Variants in RASGRF1 observed in about 807,000 individuals in gnomAD.
RASGRF1 encodes ras-specific guanine nucleotide-releasing factor 1.
In RASGRF1, 40 loss-of-function variants were observed where a neutral mutation model predicts 138.7. The observed-to-expected ratio is 0.29, with a 90% CI of 0.22 to 0.38. The LOEUF (loss-of-function observed/expected upper bound fraction) is 0.38. Among genes scored for constraint, RASGRF1 ranks in the 10% least tolerant of loss-of-function variants. The pLI is 1.00. For synonymous variants in RASGRF1, 614 were observed against 663.2 expected (o/e 0.93, Z 1.14); for missense variants, 1,108 against 1,650.4 (o/e 0.67, Z 5.69).
At chr15:79,064,938 T>A (rs145337154) in intron 1 of RASGRF1, among the ~76,000 whole-genome samples, 13 of 152,254 alleles carry the variant, frequency 8.5e-5, no homozygotes, top group African/African-American at 3.1e-4. Flanking sequence ...CCCTTCTAGG[T>A]CCTGGGGTTA....
intron 20 of RASGRF1, among the ~76,000 whole-genome samples, chr15:78,992,294 T>C (rs1468310456): frequency 6.6e-6 from 1 of 152,232 alleles, no homozygotes; most frequent in Non-Finnish European, 1.5e-5. Flanking sequence ...GGCCCTGTGC[T>C]CAGAAGACAG....
In RASGRF1 at chr15:79,032,585, C is replaced by G. The variant is rs2057157560; in HGVS notation, c.959-269G>C. Among the ~76,000 whole-genome samples, 1 of 152,162 alleles carries G rather than the reference C, an allele frequency of 6.6e-6. No homozygotes were observed. The highest frequency in any genetic ancestry group is 2.1e-4 in the South Asian group (1 of 4,834). ...TAGTCGACACTTGTGATGGGAGTGT[C>G]AGAGAGAGGAGGTAGAGTGGGCGCT... On this transcript the variant is annotated intron_variant, in intron 6 of 26. Transcript: ENST00000558480. This position sits in a 1 kb window ranked among gnomAD's most constrained non-coding sequence, Gnocchi z 4.5.
Position 79,032,036 on chromosome 15 carries a change from C to A in RASGRF1, c.1152+87G>T. The A allele has an allele frequency of 6.9e-7, 1 of 1,439,870 alleles. No individual in the cohort carries two copies. The highest frequency in any genetic ancestry group is 9.4e-7 in the Non-Finnish European group (1 of 1,067,572). The allele number at this position is 1,439,870 out of a possible 1,614,324, so 89.2% of individuals were successfully genotyped here. A position where few individuals can be genotyped will look rare whatever the true frequency, so the allele number is the denominator to read the frequency against. ...CCTTTGGCAGCCCAGAGCTGGGGTG[C>A]GTTAAGCACTGTGCCCCCACCGCCA... is the stretch of plus-strand genomic sequence containing the variant. On this transcript the variant is annotated intron_variant, in intron 7 of 26. Coordinates refer to ENST00000558480, the MANE Select transcript of RASGRF1 (RefSeq NM_001145648.3). This position sits in a 1 kb window ranked among gnomAD's most constrained non-coding sequence, Gnocchi z 4.5.
chr15:79,012,751 C>T lies in RASGRF1; in HGVS notation c.1826+2576G>A, dbSNP rs149218705. ...AGGCTGGAGTGCAGTGGTGAGGTCTCGGCTCACTGCAACCTCTGCCTCCTA... is the reference window on the plus strand; with the variant it reads ...AGGCTGGAGTGCAGTGGTGAGGTCTTGGCTCACTGCAACCTCTGCCTCCTA... On this transcript the variant is annotated intron_variant, in intron 13 of 26. Transcript: ENST00000558480. Among the ~76,000 whole-genome samples, 271 of 152,192 alleles carry T rather than the reference C, an allele frequency of 1.8e-3. 1 individual carries two copies. Among genetic ancestry groups the T allele is most frequent in the South Asian group, 0.012 (57 of 4,814 alleles).
intron 19 of RASGRF1, among the ~76,000 whole-genome samples, chr15:78,996,838 G>T (rs1472022296): frequency 6.6e-6 from 1 of 152,220 alleles, no homozygotes; most frequent in Non-Finnish European, 1.5e-5. Flanking sequence ...AGGGAAGAAT[G>T]GGCCCCAGCA....
Position 78,999,756 on chromosome 15 carries a change from G to A in RASGRF1, c.2733C>T (p.Ser911=). The A allele has an allele frequency of 6.2e-7, 1 of 1,613,848 alleles. No homozygotes were observed. Reference sequence around the variant, plus strand: ...CACCCCACATACCTGCACTGGCTAAGGACATCCTCCGGTACTTCTCCTTGT... The same window carrying A: ...CACCCCACATACCTGCACTGGCTAAAGACATCCTCCGGTACTTCTCCTTGT... ...TPNKEKYRRM[S]LASAGFPPDQ... is the part of the protein sequence containing the mutation. Residue 911 remains serine (S), a synonymous_variant, in exon 17 of 27, where the codon TCC becomes TCT. Coordinates refer to ENST00000558480, the MANE Select transcript of RASGRF1 (RefSeq NM_001145648.3).
intron 24 of RASGRF1, among the ~76,000 whole-genome samples, chr15:78,974,698 A>G (rs2055839100): frequency 6.6e-6 from 1 of 152,206 alleles, no homozygotes; most frequent in Middle Eastern, 3.2e-3. Context: ...GATACTTGCC[A>G]TTCTCCTCCT....
intron 1 of RASGRF1, among the ~76,000 whole-genome samples, chr15:79,079,963 C>T (rs1334564473): frequency 6.6e-6 from 1 of 152,236 alleles, no homozygotes; most frequent in Non-Finnish European, 1.5e-5. Context: ...CATGCTCAGC[C>T]TCCCCTAAGA....
chr15:78,995,930 C>T (rs918737232), intron 19 of RASGRF1, 130 bp from the exon 20 acceptor site: 6 of 824,846 alleles, frequency 7.3e-6, no homozygotes, highest in Non-Finnish European at 1.2e-5. Flanking sequence ...CCAGGAGCAC[C>T]CTTTCCCCTT....
At chr15:78,990,131 C>T in intron 22 of RASGRF1, 58 bp downstream of exon 22, 1 of 1,362,360 alleles carries the variant, frequency 7.3e-7, no homozygotes, top group Non-Finnish European at 1.1e-6. Flanking sequence ...TACCCAGCCT[C>T]TTGAGCGTCT....
At chr15:78,991,658 C>T (rs772798129) in intron 21 of RASGRF1, 33 bp downstream of exon 21, 8 of 1,550,546 alleles carry the variant, frequency 5.2e-6, no homozygotes, top group South Asian at 2.2e-5. Context: ...CCTGAGGAAG[C>T]GGGGGGAGGC....
At chr15:79,075,905 T>TATAG (rs1348899170) in intron 1 of RASGRF1, among the ~76,000 whole-genome samples, 1 of 152,232 alleles carries the variant, frequency 6.6e-6, no homozygotes, top group Non-Finnish European at 1.5e-5. Flanking sequence ...GTCTATTCTA[T>TATAG]ACACGTGGTA....
intron 1 of RASGRF1, among the ~76,000 whole-genome samples, chr15:79,084,407 C>T (rs891923730): frequency 2.0e-5 from 3 of 152,240 alleles, no homozygotes; most frequent in East Asian, 1.9e-4. Context: ...GCTGTGAAAG[C>T]GTTGAGTGCA....
intron 12 of RASGRF1, 148 bp from the exon 13 acceptor site, chr15:79,015,557 C>T (rs1357811581): frequency 1.5e-6 from 1 of 680,678 alleles, no homozygotes; most frequent in African/African-American, 1.8e-5. Flanking sequence ...AAGGCAGGGT[C>T]AGCGTGGCGC....
chr15:79,015,022 G>A (rs1354741069), intron 13 of RASGRF1, among the ~76,000 whole-genome samples: 2 of 151,322 alleles, frequency 1.3e-5, no homozygotes, highest in Admixed American at 1.3e-4. Context: ...GGTGACGGGT[G>A]CACCAAAATC....
At position 79,058,412 on chromosome 15, in the gene RASGRF1, C is replaced by A; in HGVS notation, c.453G>T (p.Glu151Asp). The change falls in exon 3 of 27, where the codon GAG (glutamate) becomes GAT (aspartate). Residue 151 changes from glutamate (E) to aspartate (D), a missense_variant. Glu to Asp is a conservative substitution (Grantham distance 45). Coordinates refer to ENST00000558480, the MANE Select transcript of RASGRF1 (RefSeq NM_001145648.3). ...GCTGCTTGGCCACGGTCTTCTCTGT[C>A]TCCACGATCTGCAGCAGGTGCAGGT... ...QKYLHLLQIV[E>D]TEKTVAKQLR... 2 of 1,614,218 alleles carry A rather than the reference C, an allele frequency of 1.2e-6. No homozygotes were observed. The highest frequency in any genetic ancestry group is 4.5e-5 in the East Asian group (2 of 44,880).
At chr15:79,029,033 T>G (rs1292085942) in intron 8 of RASGRF1, among the ~76,000 whole-genome samples, 1 of 152,264 alleles carries the variant, frequency 6.6e-6, no homozygotes, top group Non-Finnish European at 1.5e-5. Flanking sequence ...ATGTGACAGC[T>G]GCTTAAATAA....
In RASGRF1 at chr15:79,080,956, G is replaced by A. The variant is rs938324200; in HGVS notation, c.276+9267C>T. Among the ~76,000 whole-genome samples the A allele has an allele frequency of 5.3e-5, 8 of 152,196 alleles. No individual in the cohort carries two copies. In the East Asian group the frequency reaches 5.8e-4, roughly 11 times the overall value. On this transcript the variant is annotated intron_variant, in intron 1 of 26. Transcript: ENST00000558480. ...AATGAACTCTGTCTATGCAAGCCTC[G>A]TCTGTCAAATGAGGATCGTGCCTCT...
At chr15:79,066,670 G>A (rs2057685025) in intron 1 of RASGRF1, among the ~76,000 whole-genome samples, 1 of 152,194 alleles carries the variant, frequency 6.6e-6, no homozygotes, top group Non-Finnish European at 1.5e-5. Flanking sequence ...TACTGGGTAG[G>A]GAAGCAGATG....
Sources: gnomAD v4.1 joint callset for allele counts (sites outside exome capture counted in the v4.1 genomes callset) on GRCh38, gnomAD v4.1.1 for gene constraint, Gnocchi (gnomAD v3.1) non-coding constraint, MANE v1.5 for transcripts, NCBI Gene and HGNC (gene_info 2026-07-23, HGNC 2026-07-21) for gene names.